The following MGAT4D variants were observed in gnomAD, a reference collection of about 807,000 sequenced individuals.
The protein encoded by MGAT4D is alpha-1,3-mannosyl-glycoprotein 4-beta-N-acetylglucosaminyltransferase-like protein MGAT4D.
A neutral mutation model predicts 15.9 loss-of-function variants in MGAT4D; 34 were observed. The observed-to-expected ratio is 2.14, with a 90% CI of 1.62 to 2.84. MGAT4D has a LOEUF of 2.84. Among genes scored for constraint, MGAT4D ranks in the 30% most tolerant of loss-of-function variants. The probability of loss-of-function intolerance (pLI) is 0.00; values close to 1 mark genes in which losing one functional copy is unlikely to be tolerated. For synonymous variants in MGAT4D, 112 were observed against 48.2 expected, an observed-to-expected ratio of 2.33 and a Z score of -5.49; for missense variants, 327 against 140.2, an observed-to-expected ratio of 2.33 and a Z score of -6.73.
At chr4:140,473,547 G>T (rs915070335) in intron 4 of MGAT4D, among the ~76,000 whole-genome samples, 4 of 152,176 alleles carry the variant, frequency 2.6e-5, no homozygotes, top group Admixed American at 6.5e-5. Context: ...AGAGATAAAA[G>T]AAAATGAGGC....
intron 10 of MGAT4D, among the ~76,000 whole-genome samples, chr4:140,444,103 C>G (rs1476607301): frequency 1.3e-5 from 2 of 152,066 alleles, no homozygotes; most frequent in African/African-American, 4.8e-5. Context: ...AATCATAAAA[C>G]TTTAAATAAC....
chr4:140,454,320 A>G (rs1427142790), intron 9 of MGAT4D, among the ~76,000 whole-genome samples: 1 of 152,118 alleles, frequency 6.6e-6, no homozygotes, highest in Non-Finnish European at 1.5e-5. Flanking sequence ...TTACGTATGA[A>G]TTTTGAATTT....
intron 1 of MGAT4D, among the ~76,000 whole-genome samples, chr4:140,487,527 A>G (rs1222351588): frequency 6.6e-6 from 1 of 152,232 alleles, no homozygotes; most frequent in East Asian, 1.9e-4. Context: ...AGTGAAAGTA[A>G]TTTTAAACAA....
In MGAT4D at chr4:140,482,459, G is replaced by A; in HGVS notation, c.121C>T (p.His41Tyr). ...ATATTTTCTTTAAACTCCAAAATAT[G>A]GTTTCTACAGTTAATTAATTGATTA... ...TNNQLINCRN[H>Y]ILEFKENMLH... Residue 41 changes from histidine (H) to tyrosine (Y), a missense_variant, in exon 2 of 11, where the codon CAT becomes TAT. Coordinates refer to ENST00000511113, the MANE Select transcript of MGAT4D (RefSeq NM_001277353.2). The A allele has an allele frequency of 3.2e-6, 2 of 630,724 alleles. No homozygotes were observed. The highest frequency in any genetic ancestry group is 2.8e-6 in the Non-Finnish European group (1 of 359,360). 39.1% of individuals were successfully genotyped at this position (630,724 alleles called of 1,614,324 possible). A position where few individuals can be genotyped will look rare whatever the true frequency, so the allele number is the denominator to read the frequency against.
chr4:140,486,718 G>T (rs1733159785), intron 1 of MGAT4D, among the ~76,000 whole-genome samples: 1 of 152,186 alleles, frequency 6.6e-6, no homozygotes, highest in African/African-American at 2.4e-5. Context: ...TATGCTCGAT[G>T]AATAAATAAT....
intron 6 of MGAT4D, 37 bp from the exon 7 acceptor site, chr4:140,462,041 T>G (rs1731223111): frequency 2.9e-6 from 2 of 685,898 alleles, no homozygotes; most frequent in East Asian, 5.4e-5. Context: ...ATATTTGTCA[T>G]TATTAATTTT....
At chr4:140,464,014 T>A (rs894632618) in intron 6 of MGAT4D, among the ~76,000 whole-genome samples, 2 of 152,068 alleles carry the variant, frequency 1.3e-5, no homozygotes, top group Non-Finnish European at 2.9e-5. Context: ...GTAGAGAGAT[T>A]TTAAAAAAGA....
Position 140,498,246 on chromosome 4 carries a change from C to G in MGAT4D, c.-24G>C. 1.4e-6 allele frequency: 1 copy of G among 701,500 alleles called. No homozygotes were observed. Among genetic ancestry groups the G allele is most frequent in the Non-Finnish European group, 2.6e-6 (1 of 384,134 alleles). 43.5% of individuals were successfully genotyped at this position (701,500 alleles called of 1,614,324 possible). A position where few individuals can be genotyped will look rare whatever the true frequency, so the allele number is the denominator to read the frequency against. ...ATGGCCCTGGCCAGGCTGCGGGAGG[C>G]CGGCGGGTGGAGGCGGCGGATAATG... On this transcript the variant is annotated 5_prime_UTR_variant, in exon 1 of 11. Transcript: ENST00000511113.
chr4:140,470,951 C>A (rs1731896063), intron 5 of MGAT4D, among the ~76,000 whole-genome samples: 1 of 149,570 alleles, frequency 6.7e-6, no homozygotes, highest in African/African-American at 2.5e-5. Context: ...GTGGCATGAT[C>A]TTGGCTCACT....
chr4:140,467,355 T>C (rs1016557460), intron 5 of MGAT4D, among the ~76,000 whole-genome samples: 2 of 152,156 alleles, frequency 1.3e-5, no homozygotes, highest in Non-Finnish European at 2.9e-5. Flanking sequence ...TACAAGATCT[T>C]GTGCGGCAAT....
chr4:140,493,970 T>A (rs2126882476), intron 1 of MGAT4D, among the ~76,000 whole-genome samples: 1 of 152,300 alleles, frequency 6.6e-6, no homozygotes, highest in South Asian at 2.1e-4. Flanking sequence ...GGGCCAGGAT[T>A]GTCAATGGAA....
chr4:140,469,864 C>A (rs1479016146), intron 5 of MGAT4D, among the ~76,000 whole-genome samples: 2 of 152,252 alleles, frequency 1.3e-5, no homozygotes, highest in Non-Finnish European at 2.9e-5. Context: ...GGTGGGGTCC[C>A]TGGACCCTGG....
chr4:140,449,586 C>G (rs965438031), intron 10 of MGAT4D, among the ~76,000 whole-genome samples: 2 of 152,000 alleles, frequency 1.3e-5, no homozygotes, highest in African/African-American at 4.8e-5. Context: ...GGTGAAACCC[C>G]GTCTCTACTA....
chr4:140,483,680 G>A (rs994065932), intron 1 of MGAT4D, among the ~76,000 whole-genome samples: 2 of 152,088 alleles, frequency 1.3e-5, no homozygotes, highest in African/African-American at 4.8e-5. Context: ...TAGACCAATG[G>A]AACAAAATAG....
At chr4:140,454,012 A>ATGTGTGTGTG (rs34758499) in intron 9 of MGAT4D, among the ~76,000 whole-genome samples, 3 of 148,196 alleles carry the variant, frequency 2.0e-5, no homozygotes, top group African/African-American at 7.4e-5. Flanking sequence ...TCTAGGATGT[A>ATGTGTGTGTG]TGTGTGTGTG....
chr4:140,474,782 A>G (rs1176348496), intron 4 of MGAT4D, 31 bp downstream of exon 4: 1 of 626,248 alleles, frequency 1.6e-6, no homozygotes, highest in South Asian at 1.9e-5. Flanking sequence ...TAGGGTGAGG[A>G]TAAGGAGAGC....
chr4:140,447,858 T>C (rs1730229738), intron 10 of MGAT4D, among the ~76,000 whole-genome samples: 1 of 152,202 alleles, frequency 6.6e-6, no homozygotes, highest in Admixed American at 6.5e-5. Flanking sequence ...TTCCTTTCCA[T>C]AGTTAGTGCT....
intron 5 of MGAT4D, among the ~76,000 whole-genome samples, chr4:140,471,227 T>TTTGTTTCC (rs1553953654): frequency 1.0e-4 from 14 of 133,686 alleles, no homozygotes; most frequent in African/African-American, 3.9e-4. Flanking sequence ...CTCCTTTTTG[T>TTTGTTTCC]TTCCTTCCTT....
chr4:140,443,766 T>C (rs1165188958), intron 10 of MGAT4D, among the ~76,000 whole-genome samples: 1 of 152,128 alleles, frequency 6.6e-6, no homozygotes, highest in Non-Finnish European at 1.5e-5. Context: ...ATAAATAGTT[T>C]AAAACATTTA....
Sources: allele counts gnomAD v4.1 joint callset (sites outside exome capture counted in the v4.1 genomes callset), GRCh38; gene constraint gnomAD v4.1.1; transcripts MANE v1.5; gene names NCBI Gene and HGNC (gene_info 2026-07-23, HGNC 2026-07-21).